Variants in CDH4 observed in about 807,000 individuals in gnomAD.
CDH4 encodes the protein cadherin-4.
CDH4 carries 33 observed loss-of-function variants against 86.0 expected under a neutral mutation model. That is an observed-to-expected ratio of 0.38 (90% CI 0.29 to 0.51). CDH4 has a LOEUF of 0.51. Among genes scored for constraint, CDH4 ranks in the 20% least tolerant of loss-of-function variants. The pLI is 0.86. For missense variants in CDH4, 1,114 were observed against 1,307.4 expected (o/e 0.85, Z 2.28); for synonymous variants, 555 against 549.4 (o/e 1.01, Z -0.14).
At chr20:61,860,630 G>T (rs1403550833) in intron 6 of CDH4, among the ~76,000 whole-genome samples, 7 of 152,160 alleles carry the variant, frequency 4.6e-5, no homozygotes, top group Non-Finnish European at 7.4e-5. Context: ...GCAAGGCAAG[G>T]TTGCTGGGTT....
At chr20:61,577,443 A>T (rs1016819309) in intron 2 of CDH4, among the ~76,000 whole-genome samples, 3 of 152,184 alleles carry the variant, frequency 2.0e-5, no homozygotes, top group Non-Finnish European at 4.4e-5. Context: ...GATGTTTCGC[A>T]TGTTGAAAGA....
chr20:61,841,590 C>G (rs1264307611), intron 4 of CDH4, among the ~76,000 whole-genome samples: 1 of 152,158 alleles, frequency 6.6e-6, no homozygotes, highest in African/African-American at 2.4e-5. Flanking sequence ...GGGCCCAGAC[C>G]CGCCCTTCCC....
intron 2 of CDH4, among the ~76,000 whole-genome samples, chr20:61,458,894 T>C (rs375390201): frequency 1.4e-4 from 21 of 151,950 alleles, no homozygotes; most frequent in African/African-American, 4.8e-4. Flanking sequence ...ACACACCTCA[T>C]GGCTCTCAGC....
chr20:61,589,219 A>C (rs1010352375), intron 2 of CDH4, among the ~76,000 whole-genome samples: 2 of 152,220 alleles, frequency 1.3e-5, no homozygotes, highest in South Asian at 2.1e-4. Context: ...CAGAGTGATG[A>C]ATGCTTGTGT....
At chr20:61,280,809 T>G (rs75368605) in intron 2 of CDH4, among the ~76,000 whole-genome samples, 26,435 of 151,774 alleles carry the variant, frequency 0.17, 2,366 homozygotes, top group Non-Finnish European at 0.18. Context: ...TGGTGGGGGG[T>G]TTCGATGCTC....
intron 2 of CDH4, among the ~76,000 whole-genome samples, chr20:61,688,980 G>A (rs1013783568): frequency 3.3e-5 from 5 of 152,184 alleles, no homozygotes; most frequent in Admixed American, 2.0e-4. Flanking sequence ...CTTTCAAACC[G>A]AAAGCCCCAC....
At chr20:61,759,394 C>T (rs775413074) in intron 3 of CDH4, among the ~76,000 whole-genome samples, 4 of 152,266 alleles carry the variant, frequency 2.6e-5, no homozygotes, top group African/African-American at 7.2e-5. Flanking sequence ...GAGACTGAAA[C>T]GCCACATGGT....
chr20:61,594,117 G>A (rs2086537511), intron 2 of CDH4, among the ~76,000 whole-genome samples: 1 of 86,156 alleles, frequency 1.2e-5, no homozygotes, highest in African/African-American at 4.8e-5. Context: ...AGGGGGTCAG[G>A]GCAAAGAGGG....
In CDH4 at chr20:61,396,443, G is replaced by C. The variant is rs535157380; in HGVS notation, c.169+141506G>C. ...ACGTGGACTTCCCAGGATGCTGGCA[G>C]CGTCCGGTGTTTCTCAAATTGCGTT... On this transcript the variant is annotated intron_variant, in intron 2 of 15. Coordinates refer to ENST00000614565, the MANE Select transcript of CDH4 (RefSeq NM_001794.5). Among the ~76,000 whole-genome samples, 24 of 152,338 alleles carry C rather than the reference G, an allele frequency of 1.6e-4. 1 individual carries two copies. In the South Asian group the frequency reaches 4.8e-3, roughly 30 times the overall value.
At chr20:61,820,446 A>T (rs1980959121) in intron 4 of CDH4, among the ~76,000 whole-genome samples, 1 of 152,184 alleles carries the variant, frequency 6.6e-6, no homozygotes, top group Admixed American at 6.5e-5. Context: ...CAGATTTTTT[A>T]AAACCTGTTC....
intron 2 of CDH4, among the ~76,000 whole-genome samples, chr20:61,734,052 C>T (rs6121787): frequency 0.021 from 3,210 of 152,274 alleles, 47 homozygotes; most frequent in Non-Finnish European, 0.035. Context: ...AGCAATTAGA[C>T]AGATGGGGGT....
intron 2 of CDH4, among the ~76,000 whole-genome samples, chr20:61,430,034 G>T (rs138718640): frequency 1.5e-4 from 23 of 152,340 alleles, no homozygotes; most frequent in African/African-American, 5.0e-4. Flanking sequence ...CAGCCGCAGA[G>T]ATTCTGAGTC....
In CDH4 at chr20:61,590,997, G is replaced by T. The variant is rs117486177; in HGVS notation, c.170-152566G>T. Among the ~76,000 whole-genome samples, 722 of 152,218 alleles carry T rather than the reference G, an allele frequency of 4.7e-3. 14 individuals are homozygous for T. Among genetic ancestry groups the T allele is most frequent in the East Asian group, 0.038 (198 of 5,174 alleles). ...CAGCATCCAGATGGCACCCTCAGAG[G>T]CCCAGGGAGATGGCTACTTTATTCC... On this transcript the variant is annotated intron_variant, in intron 2 of 15. Coordinates refer to ENST00000614565, the MANE Select transcript of CDH4 (RefSeq NM_001794.5).
intron 2 of CDH4, among the ~76,000 whole-genome samples, chr20:61,478,348 G>A (rs1332580053): frequency 6.6e-6 from 1 of 152,148 alleles, no homozygotes; most frequent in Non-Finnish European, 1.5e-5. Flanking sequence ...AACTGGCTCC[G>A]AAGTAGCACC....
At chr20:61,836,182 C>G (rs747406214) in intron 4 of CDH4, among the ~76,000 whole-genome samples, 2 of 152,198 alleles carry the variant, frequency 1.3e-5, no homozygotes, top group African/African-American at 4.8e-5. Flanking sequence ...TGAGGCACGT[C>G]GGTTGTATTC....
At chr20:61,556,549 G>A (rs1156529539) in intron 2 of CDH4, among the ~76,000 whole-genome samples, 1 of 152,182 alleles carries the variant, frequency 6.6e-6, no homozygotes, top group Non-Finnish European at 1.5e-5. Flanking sequence ...CCACAATTGA[G>A]AACAAATGGA....
At chr20:61,374,659 AT>A (rs1423755147) in intron 2 of CDH4, among the ~76,000 whole-genome samples, 1 of 152,184 alleles carries the variant, frequency 6.6e-6, no homozygotes, top group East Asian at 1.9e-4. Context: ...GCTCTCTAGA[AT>A]TTAACCTGAA....
chr20:61,323,565 TG>T (rs1345746564), intron 2 of CDH4, among the ~76,000 whole-genome samples: 1 of 152,222 alleles, frequency 6.6e-6, no homozygotes, highest in African/African-American at 2.4e-5. Flanking sequence ...CATTCTGTCA[TG>T]TTACGCGGGC....
intron 3 of CDH4, among the ~76,000 whole-genome samples, chr20:61,760,136 T>A (rs892113131): frequency 6.6e-6 from 1 of 152,084 alleles, no homozygotes; most frequent in African/African-American, 2.4e-5. Flanking sequence ...CTTCTGTATC[T>A]TCGCTTTTGG....
Sources: allele counts gnomAD v4.1 joint callset (sites outside exome capture counted in the v4.1 genomes callset), GRCh38; gene constraint gnomAD v4.1.1; transcripts MANE v1.5; gene names NCBI Gene and HGNC (gene_info 2026-07-23, HGNC 2026-07-21).